The following BMPR2 variants were observed in gnomAD, a reference collection of about 807,000 sequenced individuals.
The protein encoded by BMPR2 is bone morphogenetic protein receptor type 2, also known as bone morphogenetic protein receptor type-2.
Under a neutral mutation model 100.8 loss-of-function variants are expected in BMPR2, and 29 were observed. The observed-to-expected ratio is 0.29, with a 90% confidence interval of 0.21 to 0.39. The LOEUF is 0.39. Among genes scored for constraint, BMPR2 ranks in the 10% least tolerant of loss-of-function variants. BMPR2 has a pLI of 1.00. For synonymous variants in BMPR2, 382 were observed against 442.3 expected (o/e 0.86, Z 1.71); for missense variants, 1,011 against 1,274.5 (o/e 0.79, Z 3.15).
At chr2:202,419,005 T>G (rs948112875) in intron 1 of BMPR2, among the ~76,000 whole-genome samples, 18 of 152,162 alleles carry the variant, frequency 1.2e-4, no homozygotes, top group African/African-American at 3.4e-4. Context: ...TATGTCAGAG[T>G]CAGGTAAGCC....
chr2:202,389,020 T>C (rs1045954815), intron 1 of BMPR2, among the ~76,000 whole-genome samples: 11 of 150,294 alleles, frequency 7.3e-5, no homozygotes, highest in African/African-American at 2.7e-4. Flanking sequence ...GCTTGAGGCC[T>C]AGAGTTCGAG....
intron 3 of BMPR2, among the ~76,000 whole-genome samples, chr2:202,511,739 C>T (rs917159995): frequency 1.3e-5 from 2 of 152,058 alleles, no homozygotes; most frequent in Non-Finnish European, 2.9e-5. Context: ...GAAAAATGGG[C>T]TGGGCACAGT....
chr2:202,502,406 A>G (rs1000888484), intron 3 of BMPR2, among the ~76,000 whole-genome samples: 3 of 152,330 alleles, frequency 2.0e-5, no homozygotes, highest in Middle Eastern at 3.4e-3. Context: ...AAGAAGTCAG[A>G]AAGAGGAACA....
At chr2:202,550,265 C>T (rs182771880) in intron 10 of BMPR2, among the ~76,000 whole-genome samples, 31 of 151,382 alleles carry the variant, frequency 2.0e-4, no homozygotes, top group African/African-American at 6.5e-4. Context: ...CCCAGCTACT[C>T]GCGAGGCTGA....
intron 1 of BMPR2, among the ~76,000 whole-genome samples, chr2:202,456,978 T>C (rs1692121553): frequency 6.6e-6 from 1 of 152,204 alleles, no homozygotes; most frequent in African/African-American, 2.4e-5. Flanking sequence ...TATAAATGTG[T>C]AAGTTGAACC....
intron 7 of BMPR2, chr2:202,520,452 G>T (rs371049334): frequency 3.2e-5 from 17 of 523,704 alleles, no homozygotes; most frequent in Non-Finnish European, 4.8e-5. Flanking sequence ...CTACCTGGAG[G>T]CTATCATGAC....
chr2:202,400,548 G>T (rs1192063773), intron 1 of BMPR2, among the ~76,000 whole-genome samples: 1 of 152,140 alleles, frequency 6.6e-6, no homozygotes, highest in Non-Finnish European at 1.5e-5. Context: ...TCTTTTAAAA[G>T]TACTGGTAGA....
Position 202,454,633 on chromosome 2 carries a change from T to C in BMPR2, c.77-10176T>C, listed in dbSNP as rs776020060. 9.2e-4 allele frequency among the ~76,000 whole-genome samples: 140 copies of C among 152,296 alleles called. 2 individuals carry two copies. Among genetic ancestry groups the C allele is most frequent in the Non-Finnish European group, 2.1e-4 (14 of 68,032 alleles). ...TCTGAGTCTGTGAGGAGGAAGTCTTTAGGAGAAGCAGGGATTATCAGAACA... is the reference window on the plus strand; with the variant it reads ...TCTGAGTCTGTGAGGAGGAAGTCTTCAGGAGAAGCAGGGATTATCAGAACA... On this transcript the variant is annotated intron_variant, in intron 1 of 12. Transcript: ENST00000374580.
At chr2:202,412,848 T>A (rs1282320755) in intron 1 of BMPR2, among the ~76,000 whole-genome samples, 1 of 152,152 alleles carries the variant, frequency 6.6e-6, no homozygotes, top group African/African-American at 2.4e-5. Context: ...ATTTCACTGA[T>A]AGTTGTAAGA....
At position 202,389,943 on chromosome 2, in the gene BMPR2, T is replaced by TA. The variant is rs566176736; in HGVS notation, c.76+12398dup. Among the ~76,000 whole-genome samples, 58 of 150,518 alleles carry TA rather than the reference T, an allele frequency of 3.9e-4. 1 individual carries two copies. In the South Asian group the frequency reaches 0.012, roughly 31 times the overall value. On this transcript the variant is annotated intron_variant, in intron 1 of 12. Transcript: ENST00000374580. ...GCGTGAGCCACTGCACCTGGCCCAT[T>TA]AAAAAGGGTTTTTAAACGATGATGA...
chr2:202,387,657 C>G (rs920325982), intron 1 of BMPR2, among the ~76,000 whole-genome samples: 6 of 152,058 alleles, frequency 3.9e-5, no homozygotes, highest in East Asian at 1.9e-4. Flanking sequence ...GTGTAGCATT[C>G]AAATGTCAGT....
intron 3 of BMPR2, among the ~76,000 whole-genome samples, chr2:202,469,954 T>C (rs1229988750): frequency 6.6e-6 from 1 of 152,130 alleles, no homozygotes; most frequent in Non-Finnish European, 1.5e-5. Context: ...TGGAGGAGAA[T>C]TGCAAACAAA....
intron 1 of BMPR2, among the ~76,000 whole-genome samples, chr2:202,429,045 C>T (rs1361270621): frequency 1.3e-5 from 2 of 152,052 alleles, no homozygotes; most frequent in Admixed American, 6.5e-5. Context: ...TATACTAGTT[C>T]CATTTGGCCC....
intron 2 of BMPR2, among the ~76,000 whole-genome samples, chr2:202,465,744 G>T (rs570740148): frequency 6.6e-6 from 1 of 152,106 alleles, no homozygotes; most frequent in African/African-American, 2.4e-5. Flanking sequence ...TGTAGTCCCA[G>T]CTACAGGCTG....
At chr2:202,484,698 G>A (rs938241052) in intron 3 of BMPR2, among the ~76,000 whole-genome samples, 2 of 147,782 alleles carry the variant, frequency 1.4e-5, no homozygotes, top group African/African-American at 5.0e-5. Flanking sequence ...TGGGCGCGGT[G>A]GCTCACGCCT....
intron 1 of BMPR2, among the ~76,000 whole-genome samples, chr2:202,404,407 G>A (rs1302738505): frequency 1.3e-5 from 2 of 152,200 alleles, no homozygotes; most frequent in East Asian, 3.9e-4. Context: ...TGTTGGCCAG[G>A]CTGGTCTCGA....
At chr2:202,480,204 C>G (rs1692632319) in intron 3 of BMPR2, among the ~76,000 whole-genome samples, 1 of 152,098 alleles carries the variant, frequency 6.6e-6, no homozygotes, top group South Asian at 2.1e-4. Context: ...GCGATGTCAG[C>G]TCACTGCAAC....
At position 202,436,414 on chromosome 2, in the gene BMPR2, C is replaced by A. The variant is rs575062578; in HGVS notation, c.77-28395C>A. Among the ~76,000 whole-genome samples the A allele has an allele frequency of 3.1e-4, 47 of 150,112 alleles. 5 individuals are homozygous for A. Among genetic ancestry groups the A allele is most frequent in the African/African-American group, 1.2e-3 (46 of 39,634 alleles). ...TGAGCCCTGATTGTGCTACCGCACT[C>A]CAGCCTGATGGATAGAGTGAGACCC... On this transcript the variant is annotated intron_variant, in intron 1 of 12. Coordinates refer to ENST00000374580, the MANE Select transcript of BMPR2 (RefSeq NM_001204.7).
intron 1 of BMPR2, among the ~76,000 whole-genome samples, chr2:202,452,957 G>A (rs530857738): frequency 6.6e-6 from 1 of 152,290 alleles, no homozygotes; most frequent in Admixed American, 6.5e-5. Flanking sequence ...GTAAATAAAT[G>A]AGGCACTCCA....
Sources: allele counts gnomAD v4.1 joint callset (sites outside exome capture counted in the v4.1 genomes callset), GRCh38; gene constraint gnomAD v4.1.1; transcripts MANE v1.5; gene names NCBI Gene and HGNC (gene_info 2026-07-23, HGNC 2026-07-21).